LRRC7: variants seen among roughly 807,000 people sequenced by gnomAD.
The protein encoded by LRRC7 is leucine rich repeat containing 7, also known as leucine-rich repeat-containing protein 7.
In LRRC7, 23 loss-of-function variants were observed where a neutral mutation model predicts 175.7. That is an observed-to-expected ratio of 0.13 (90% CI 0.09 to 0.19). LRRC7 has a LOEUF of 0.19. LRRC7 is among the 10% of genes least tolerant of loss of function. The probability of loss-of-function intolerance (pLI) is 1.00; values close to 1 mark genes in which losing one functional copy is unlikely to be tolerated. For missense variants in LRRC7, 1,354 were observed against 1,904.7 expected (o/e 0.71, Z 5.38); for synonymous variants, 685 against 680.9 (o/e 1.01, Z -0.09).
Position 69,837,621 on chromosome 1 carries a change from C to T in LRRC7, c.591-606C>T, listed in dbSNP as rs77287789. ...TATAATCTCTTGAGAGAAATTATTG[C>T]CATATTCCAGTGAACACAGCATCTG... On this transcript the variant is annotated intron_variant, in intron 6 of 26. Coordinates refer to ENST00000651989, the MANE Select transcript of LRRC7 (RefSeq NM_001370785.2). 7.6e-3 allele frequency among the ~76,000 whole-genome samples: 1,159 copies of T among 151,752 alleles called. 13 individuals carry two copies. Among genetic ancestry groups the T allele is most frequent in the African/African-American group, 0.027 (1,105 of 41,486 alleles).
intron 7 of LRRC7, among the ~76,000 whole-genome samples, chr1:69,877,127 G>T (rs1240916771): frequency 2.0e-5 from 3 of 152,174 alleles, no homozygotes; most frequent in African/African-American, 4.8e-5. Context: ...AGACAGAGAA[G>T]AAACTGTGAA....
At chr1:69,574,812 GTTC>G (rs1023653764) in intron 1 of LRRC7, among the ~76,000 whole-genome samples, 5 of 151,988 alleles carry the variant, frequency 3.3e-5, no homozygotes, top group African/African-American at 1.2e-4. Flanking sequence ...ACTATCCGGT[GTTC>G]TTCTGATCAG....
At chr1:69,707,750 GA>G (rs1664227928) in intron 2 of LRRC7, among the ~76,000 whole-genome samples, 1 of 152,124 alleles carries the variant, frequency 6.6e-6, no homozygotes, top group Non-Finnish European at 1.5e-5. Flanking sequence ...TATAGTCTTG[GA>G]GGTAGGTAAA....
chr1:69,898,205 G>T (rs138161892), intron 7 of LRRC7, among the ~76,000 whole-genome samples: 1 of 152,178 alleles, frequency 6.6e-6, no homozygotes, highest in Non-Finnish European at 1.5e-5. Flanking sequence ...AATAAGGAAG[G>T]TCTGGGGAGA....
intron 10 of LRRC7, among the ~76,000 whole-genome samples, chr1:69,990,481 A>G (rs1158214726): frequency 6.6e-6 from 1 of 152,102 alleles, no homozygotes; most frequent in Non-Finnish European, 1.5e-5. Flanking sequence ...TGAAGTTGTT[A>G]TATCTAAATA....
At position 70,126,065 on chromosome 1, in the gene LRRC7, A is replaced by G. The variant is rs1415653704; in HGVS notation, c.*4178A>G. ...TTAGTATGTTTACTAACTGTTAAGG[A>G]CAGTCTTAACGCTGTCCCTAACCAA... On this transcript the variant is annotated 3_prime_UTR_variant, in exon 27 of 27. Transcript: ENST00000651989. Among the ~76,000 whole-genome samples the G allele has an allele frequency of 1.3e-5, 2 of 152,014 alleles. No individual in the cohort carries two copies. The highest frequency in any genetic ancestry group is 2.9e-5 in the Non-Finnish European group (2 of 68,024).
chr1:69,838,927 A>T (rs1681421925), intron 7 of LRRC7: 1 of 158,816 alleles, frequency 6.3e-6, no homozygotes, highest in Admixed American at 6.5e-5. Context: ...ATAGAATTTT[A>T]TGTTTTACAG....
rs1444447445 is a variant in LRRC7 at position 69,662,530 on chromosome 1, G to A, written c.3-15851G>A. Among the ~76,000 whole-genome samples the A allele has an allele frequency of 4.6e-5, 7 of 152,238 alleles. No homozygotes were observed. In the South Asian group the frequency reaches 1.0e-3, roughly 23 times the overall value. ...GCTGCCCTTACAAATGAGGAATTTTGTTTAGTTTCCAACTGGACAGCACTT... is the reference window on the plus strand; with the variant it reads ...GCTGCCCTTACAAATGAGGAATTTTATTTAGTTTCCAACTGGACAGCACTT... On this transcript the variant is annotated intron_variant, in intron 1 of 26. Coordinates refer to ENST00000651989, the MANE Select transcript of LRRC7 (RefSeq NM_001370785.2).
chr1:69,850,267 G>A (rs1205826539), intron 7 of LRRC7, among the ~76,000 whole-genome samples: 2 of 152,074 alleles, frequency 1.3e-5, no homozygotes, highest in Non-Finnish European at 2.9e-5. Context: ...AGATGTCTAA[G>A]AAGCACAAGG....
intron 26 of LRRC7, among the ~76,000 whole-genome samples, chr1:70,119,926 T>C (rs1170841824): frequency 1.3e-5 from 2 of 152,114 alleles, no homozygotes; most frequent in African/African-American, 4.8e-5. Context: ...CACAATTAAG[T>C]TACAACTTTT....
intron 3 of LRRC7, among the ~76,000 whole-genome samples, chr1:69,768,621 G>C (rs1021024273): frequency 6.6e-6 from 1 of 152,160 alleles, no homozygotes; most frequent in African/African-American, 2.4e-5. Context: ...TATTTTACAA[G>C]GAATGAGAGC....
chr1:70,025,195 A>G (rs1407665514), intron 17 of LRRC7, among the ~76,000 whole-genome samples: 1 of 151,512 alleles, frequency 6.6e-6, no homozygotes, highest in Non-Finnish European at 1.5e-5. Context: ...TGGGTTGTGA[A>G]ACTTAAGTGA....
At chr1:69,843,277 G>T (rs942339528) in intron 7 of LRRC7, among the ~76,000 whole-genome samples, 1 of 151,728 alleles carries the variant, frequency 6.6e-6, no homozygotes, top group Non-Finnish European at 1.5e-5. Flanking sequence ...AATCAAATTT[G>T]TCAAATGGAT....
intron 24 of LRRC7, among the ~76,000 whole-genome samples, chr1:70,089,229 A>T (rs1225574083): frequency 1.3e-5 from 2 of 152,146 alleles, no homozygotes; most frequent in African/African-American, 4.8e-5. Flanking sequence ...AATATTCCTA[A>T]ACAAAGAATT....
intron 8 of LRRC7, among the ~76,000 whole-genome samples, chr1:69,937,490 A>C (rs1371711352): frequency 1.3e-5 from 2 of 152,094 alleles, no homozygotes; most frequent in African/African-American, 4.8e-5. Flanking sequence ...TCTGAAATAC[A>C]TACATGGTTC....
At chr1:69,601,211 C>T (rs374097593) in intron 1 of LRRC7, among the ~76,000 whole-genome samples, 11 of 152,258 alleles carry the variant, frequency 7.2e-5, no homozygotes, top group Middle Eastern at 3.4e-3. Flanking sequence ...AGGCCCTCTC[C>T]GCTGACAAAG....
intron 7 of LRRC7, among the ~76,000 whole-genome samples, chr1:69,859,572 C>T (rs1229441091): frequency 6.6e-6 from 1 of 151,924 alleles, no homozygotes; most frequent in Non-Finnish European, 1.5e-5. Flanking sequence ...TTATTTTGCT[C>T]TGATGGCAAT....
chr1:69,647,359 T>C (rs914169746), intron 1 of LRRC7, among the ~76,000 whole-genome samples: 1 of 152,222 alleles, frequency 6.6e-6, no homozygotes, highest in Non-Finnish European at 1.5e-5. Context: ...AAAGTGCCTT[T>C]ATTTTGCTTT....
chr1:69,825,668 A>G (rs1189781299), intron 4 of LRRC7, 80 bp from the exon 5 acceptor site: 1 of 884,084 alleles, frequency 1.1e-6, no homozygotes, highest in Non-Finnish European at 1.7e-6. Context: ...TAGTTTTAAT[A>G]ATTATCTAAA....
Sources: gnomAD v4.1 joint callset for allele counts (sites outside exome capture counted in the v4.1 genomes callset) on GRCh38, gnomAD v4.1.1 for gene constraint, MANE v1.5 for transcripts, NCBI Gene and HGNC (gene_info 2026-07-23, HGNC 2026-07-21) for gene names.